TDRD1: variants seen among roughly 807,000 people sequenced by gnomAD.
The protein encoded by TDRD1 is tudor domain containing 1.
TDRD1 carries 37 observed loss-of-function variants against 140.6 expected under a neutral mutation model. The ratio of observed to expected loss-of-function variants is 0.26; its 90% CI spans 0.20 to 0.35. The LOEUF (loss-of-function observed/expected upper bound fraction) is 0.35. Ranked by LOEUF, TDRD1 falls within the 10% of genes least tolerant of loss-of-function variation. TDRD1 has a pLI of 1.00. For missense variants in TDRD1, 1,243 were observed against 1,393.0 expected, an observed-to-expected ratio of 0.89 and a Z score of 1.71; for synonymous variants, 506 against 475.7, an observed-to-expected ratio of 1.06 and a Z score of -0.83.
intron 1 of TDRD1, among the ~76,000 whole-genome samples, chr10:114,184,558 C>G (rs995832152): frequency 6.6e-6 from 1 of 152,200 alleles, no homozygotes; most frequent in Non-Finnish European, 1.5e-5. Context: ...TTCTCAGAAG[C>G]CCCCCTCAGG....
intron 1 of TDRD1, among the ~76,000 whole-genome samples, chr10:114,185,895 T>C (rs575036644): frequency 6.6e-6 from 1 of 152,196 alleles, no homozygotes; most frequent in Non-Finnish European, 1.5e-5. Context: ...GGCCTAACGT[T>C]ACATCTTTTA....
At chr10:114,212,941 T>A (rs2035580671) in intron 14 of TDRD1, among the ~76,000 whole-genome samples, 1 of 152,250 alleles carries the variant, frequency 6.6e-6, no homozygotes, top group African/African-American at 2.4e-5. Context: ...TAATGGTTAG[T>A]CCTTGCTCCC....
intron 11 of TDRD1, among the ~76,000 whole-genome samples, chr10:114,209,622 G>A (rs986182030): frequency 1.3e-5 from 2 of 152,104 alleles, no homozygotes; most frequent in Non-Finnish European, 2.9e-5. Context: ...CCATTTCAAT[G>A]GGATTTCTAA....
At chr10:114,206,856 T>A (rs181077848) in intron 11 of TDRD1, among the ~76,000 whole-genome samples, 18 of 152,286 alleles carry the variant, frequency 1.2e-4, no homozygotes, top group African/African-American at 4.3e-4. Context: ...CTGAGAGTGA[T>A]TCGCCCGCCT....
chr10:114,186,893 A>T (rs2033576487), intron 1 of TDRD1, among the ~76,000 whole-genome samples: 1 of 151,904 alleles, frequency 6.6e-6, no homozygotes, highest in African/African-American at 2.4e-5. Flanking sequence ...ACTGCTATTT[A>T]TTTTTTTTCT....
At chr10:114,184,689 A>T (rs1486537969) in intron 1 of TDRD1, among the ~76,000 whole-genome samples, 2 of 152,176 alleles carry the variant, frequency 1.3e-5, no homozygotes, top group Non-Finnish European at 2.9e-5. Context: ...AAAGGTATCA[A>T]ATTTGTCATC....
chr10:114,187,734 C>G (rs2033646218), intron 1 of TDRD1, 92 bp from the exon 2 acceptor site: 8 of 1,156,770 alleles, frequency 6.9e-6, no homozygotes, highest in Admixed American at 2.3e-5. Flanking sequence ...TTATCTGTTA[C>G]GTAAATATAT....
At chr10:114,213,890 G>A (rs2035644436) in intron 15 of TDRD1, 87 bp from the exon 16 acceptor site, 2 of 1,237,308 alleles carry the variant, frequency 1.6e-6, no homozygotes, top group Admixed American at 1.9e-5. Context: ...TGGAAATTCA[G>A]TTCTTCAAAA....
At chr10:114,189,352 A>G (rs899031633) in intron 2 of TDRD1, among the ~76,000 whole-genome samples, 3 of 152,198 alleles carry the variant, frequency 2.0e-5, no homozygotes, top group Admixed American at 2.0e-4. Flanking sequence ...TCTTCTTGGA[A>G]CATACTTTTT....
intron 2 of TDRD1, among the ~76,000 whole-genome samples, chr10:114,189,915 C>G (rs146484180): frequency 6.6e-6 from 1 of 152,360 alleles, no homozygotes; most frequent in East Asian, 1.9e-4. Context: ...TGAATTCTAA[C>G]GTAACAATAT....
downstream of TDRD1, chr10:114,232,392 A>G (rs1296760168): frequency 9.3e-5 from 14 of 151,204 alleles, no homozygotes; most frequent in South Asian, 2.5e-3. Context: ...ATGCAGAATT[A>G]TGGGCTGGCT....
chr10:114,221,300 A>G, intron 19 of TDRD1, 57 bp from the exon 20 acceptor site: 1 of 1,536,906 alleles, frequency 6.5e-7, no homozygotes, highest in Non-Finnish European at 8.9e-7. Context: ...GTTACTGAGG[A>G]AAACAACAGT....
chr10:114,208,672 C>A (rs2616637), intron 11 of TDRD1, among the ~76,000 whole-genome samples: 71,062 of 152,048 alleles, frequency 0.47, 17,587 homozygotes, highest in African/African-American at 0.64. Flanking sequence ...AAGATTTAGA[C>A]TATCTAGAGG....
At chr10:114,196,649 G>C (rs1050558580) in intron 3 of TDRD1, among the ~76,000 whole-genome samples, 1 of 151,670 alleles carries the variant, frequency 6.6e-6, no homozygotes, top group South Asian at 2.1e-4. Context: ...TTAATAGAAG[G>C]AATTTTAAAA....
intron 13 of TDRD1, 71 bp from the exon 14 acceptor site, chr10:114,211,795 T>A: frequency 7.2e-7 from 1 of 1,384,528 alleles, no homozygotes; most frequent in Non-Finnish European, 9.5e-7. Flanking sequence ...ATCTCTAAGT[T>A]GAGGAAGAAA....
intron 1 of TDRD1, 131 bp from the exon 2 acceptor site, chr10:114,187,695 A>G (rs2120153905): frequency 2.5e-6 from 2 of 812,434 alleles, no homozygotes; most frequent in African/African-American, 3.4e-5. Flanking sequence ...TGTCATGGTT[A>G]TATCTGCTTT....
intron 18 of TDRD1, among the ~76,000 whole-genome samples, chr10:114,219,325 G>T (rs2036000072): frequency 6.6e-6 from 1 of 152,096 alleles, no homozygotes; most frequent in African/African-American, 2.4e-5. Context: ...TCCTCAAAGA[G>T]TTGTTAAGAG....
chr10:114,186,109 TTC>T (rs1194689748), intron 1 of TDRD1, among the ~76,000 whole-genome samples: 1 of 152,228 alleles, frequency 6.6e-6, no homozygotes, highest in African/African-American at 2.4e-5. Flanking sequence ...GAATTTTTTT[TTC>T]TGTTGAATTA....
At chr10:114,191,241 C>T (rs1306350811) in intron 3 of TDRD1, among the ~76,000 whole-genome samples, 1 of 152,116 alleles carries the variant, frequency 6.6e-6, no homozygotes, top group Non-Finnish European at 1.5e-5. Flanking sequence ...CTATTTCGCC[C>T]ATGTTAACAT....
Sources: allele counts gnomAD v4.1 joint callset (sites outside exome capture counted in the v4.1 genomes callset), GRCh38; gene constraint gnomAD v4.1.1; transcripts MANE v1.5; gene names NCBI Gene and HGNC (gene_info 2026-07-23, HGNC 2026-07-21).